PHKB: variants seen among roughly 807,000 people sequenced by gnomAD.
The protein encoded by PHKB is phosphorylase b kinase regulatory subunit beta.
Under a neutral mutation model 152.1 loss-of-function variants are expected in PHKB, and 122 were observed. The ratio of observed to expected loss-of-function variants is 0.80; its 90% CI spans 0.69 to 0.93. PHKB has a LOEUF of 0.93. PHKB is among the 40% of genes least tolerant of loss of function. The pLI, the probability that PHKB is intolerant of heterozygous loss-of-function variation, is 0.00. For synonymous variants in PHKB, 436 were observed against 464.9 expected (o/e 0.94, Z 0.80); for missense variants, 1,304 against 1,328.4 (o/e 0.98, Z 0.29).
intron 20 of PHKB, 38 bp downstream of exon 20, chr16:47,650,959 A>G (rs1235312890): frequency 7.4e-7 from 1 of 1,347,078 alleles, no homozygotes; most frequent in Non-Finnish European, 1.1e-6. Context: ...TATTTTCAGG[A>G]CAGTTAATCT....
intron 2 of PHKB, among the ~76,000 whole-genome samples, chr16:47,498,283 T>C (rs1328221696): frequency 6.6e-6 from 1 of 152,234 alleles, no homozygotes; most frequent in Non-Finnish European, 1.5e-5. Context: ...ACTAACTATA[T>C]TTTTTTATGT....
At chr16:47,469,529 C>CT (rs1360828024) in intron 1 of PHKB, among the ~76,000 whole-genome samples, 2 of 151,874 alleles carry the variant, frequency 1.3e-5, no homozygotes, top group Non-Finnish European at 2.9e-5. Context: ...GCATGTTCTC[C>CT]TAAGTGGGAG....
intron 7 of PHKB, among the ~76,000 whole-genome samples, chr16:47,557,367 G>A (rs552062785): frequency 2.0e-5 from 3 of 152,290 alleles, no homozygotes; most frequent in Non-Finnish European, 2.9e-5. Flanking sequence ...GGCAACAAAA[G>A]CCAAAATTGA....
At chr16:47,647,085 C>T (rs1973142203) in intron 16 of PHKB, among the ~76,000 whole-genome samples, 1 of 151,810 alleles carries the variant, frequency 6.6e-6, no homozygotes, top group Admixed American at 6.6e-5. Flanking sequence ...TGCAGACTTT[C>T]CCCCTCAGTT....
intron 7 of PHKB, among the ~76,000 whole-genome samples, chr16:47,577,345 A>G (rs1466669344): frequency 6.6e-6 from 1 of 152,168 alleles, no homozygotes; most frequent in African/African-American, 2.4e-5. Flanking sequence ...ATACACATTT[A>G]GAATCATATC....
rs773528597 is a variant in PHKB, at chr16:47,499,774, T to A, written c.185T>A (p.Leu62Gln). 1 of 1,614,084 alleles carries A rather than the reference T, an allele frequency of 6.2e-7. No homozygotes were observed. The highest frequency in any genetic ancestry group is 8.5e-7 in the Non-Finnish European group (1 of 1,180,022). Residue 62 changes from leucine to glutamine, a missense_variant, in exon 3 of 31, where the codon CTG becomes CAG. Leu to Gln is a moderately radical substitution (Grantham distance 113). Coordinates refer to ENST00000323584, the MANE Select transcript of PHKB (RefSeq NM_000293.3). ...YYRIVKSTLLLYQSPTTGLFP... is the reference protein window; with the variant it reads ...YYRIVKSTLLQYQSPTTGLFP... ...ATTGCAGTCAAGTCAACATTGCTGC[T>A]GTATCAAAGTCCAACTACCGGTCTC...
At chr16:47,673,698 G>A (rs1401399130) in intron 26 of PHKB, among the ~76,000 whole-genome samples, 1 of 152,114 alleles carries the variant, frequency 6.6e-6, no homozygotes, top group Non-Finnish European at 1.5e-5. Flanking sequence ...GATCACTCTA[G>A]TAAACCATCC....
intron 26 of PHKB, among the ~76,000 whole-genome samples, chr16:47,683,178 G>T (rs545527710): frequency 2.0e-5 from 3 of 152,322 alleles, no homozygotes; most frequent in East Asian, 1.9e-4. Context: ...GCCCCTACTG[G>T]GGGGTGCCTC....
chr16:47,654,172 A>G (rs544067134), intron 20 of PHKB, among the ~76,000 whole-genome samples: 1 of 152,372 alleles, frequency 6.6e-6, no homozygotes, highest in East Asian at 1.9e-4. Context: ...TATTAGAGTT[A>G]TCAGACATAG....
At chr16:47,597,288 G>A (rs1972136794) in intron 13 of PHKB, among the ~76,000 whole-genome samples, 1 of 152,086 alleles carries the variant, frequency 6.6e-6, no homozygotes, top group African/African-American at 2.4e-5. Context: ...GATTTTTGTT[G>A]TTTCTAGCAT....
chr16:47,678,548 T>G (rs1363332579), intron 26 of PHKB, among the ~76,000 whole-genome samples: 1 of 152,144 alleles, frequency 6.6e-6, no homozygotes, highest in Admixed American at 6.5e-5. Flanking sequence ...TCATGTGTTT[T>G]TTGGCTGCAT....
At chr16:47,465,119 A>G (rs1228954993) in intron 1 of PHKB, among the ~76,000 whole-genome samples, 5 of 152,274 alleles carry the variant, frequency 3.3e-5, no homozygotes, top group Non-Finnish European at 4.4e-5. Context: ...TTAAGGAACT[A>G]AAATGATTTC....
chr16:47,630,217 A>G (rs1364829614), intron 14 of PHKB, among the ~76,000 whole-genome samples: 1 of 152,034 alleles, frequency 6.6e-6, no homozygotes, highest in African/African-American at 2.4e-5. Context: ...AAAAGCAGAT[A>G]AGGCCTGTAA....
intron 7 of PHKB, among the ~76,000 whole-genome samples, chr16:47,559,761 T>C (rs533108986): frequency 1.3e-5 from 2 of 152,334 alleles, no homozygotes; most frequent in Admixed American, 1.3e-4. Flanking sequence ...CACCACATCC[T>C]ATTTGTTAGA....
chr16:47,575,808 G>A (rs979028828), intron 7 of PHKB, among the ~76,000 whole-genome samples: 2 of 152,214 alleles, frequency 1.3e-5, no homozygotes, highest in African/African-American at 4.8e-5. Flanking sequence ...CTGATGTGGT[G>A]GCTAATGCCT....
chr16:47,565,840 C>T (rs762660896), intron 7 of PHKB: 37 of 1,326,334 alleles, frequency 2.8e-5, no homozygotes, highest in Non-Finnish European at 3.6e-5. Context: ...ACAGAAGCAG[C>T]TTGACTGGAC....
intron 1 of PHKB, among the ~76,000 whole-genome samples, chr16:47,494,757 T>C (rs553354676): frequency 6.6e-6 from 1 of 152,374 alleles, no homozygotes; most frequent in South Asian, 2.1e-4. Context: ...TGTAGCTCTT[T>C]AATTTGCTTT....
At chr16:47,695,256 G>C (rs867568905) in intron 28 of PHKB, among the ~76,000 whole-genome samples, 1 of 152,062 alleles carries the variant, frequency 6.6e-6, no homozygotes, top group African/African-American at 2.4e-5. Context: ...TAGCTAGGTT[G>C]ACTTTTTTAA....
chr16:47,513,212 C>G lies in PHKB; in HGVS notation c.513+1440C>G, dbSNP rs9935939. Among the ~76,000 whole-genome samples, 637 of 152,262 alleles carry G rather than the reference C, an allele frequency of 4.2e-3. 6 individuals are homozygous for G. The highest frequency in any genetic ancestry group is 0.015 in the African/African-American group (607 of 41,530). On this transcript the variant is annotated intron_variant, in intron 5 of 30. Coordinates refer to ENST00000323584, the MANE Select transcript of PHKB (RefSeq NM_000293.3). Reference sequence around the variant, plus strand: ...CAGTCCCTTTACAACTTGCCATGTACTGACATTTTCTTACAGAAGCATCCC... The same window carrying G: ...CAGTCCCTTTACAACTTGCCATGTAGTGACATTTTCTTACAGAAGCATCCC...
Sources: allele counts gnomAD v4.1 joint callset (sites outside exome capture counted in the v4.1 genomes callset), GRCh38; gene constraint gnomAD v4.1.1; transcripts MANE v1.5; gene names NCBI Gene and HGNC (gene_info 2026-07-23, HGNC 2026-07-21).